The following SLC44A5 variants were observed in gnomAD, a reference collection of about 807,000 sequenced individuals.
The protein encoded by SLC44A5 is choline transporter-like protein 5.
A neutral mutation model predicts 101.8 loss-of-function variants in SLC44A5; 57 were observed. The ratio of observed to expected loss-of-function variants is 0.56; its 90% CI spans 0.45 to 0.70. The LOEUF (loss-of-function observed/expected upper bound fraction) is 0.70, where lower values mean the gene tolerates loss of function less well. Among genes scored for constraint, SLC44A5 ranks in the 30% least tolerant of loss-of-function variants. SLC44A5 has a pLI of 0.00. For synonymous variants in SLC44A5, 281 were observed against 290.9 expected, an observed-to-expected ratio of 0.97 and a Z score of 0.35; for missense variants, 737 against 853.1, an observed-to-expected ratio of 0.86 and a Z score of 1.70.
the SLC44A5 span, among the ~76,000 whole-genome samples, chr1:75,665,235 C>T: frequency 0.22 from 33,005 of 152,038 alleles, 4,534 homozygotes; most frequent in Middle Eastern, 0.36. Context: ...CAAAATAGCA[C>T]GTTACTGGTA....
intron 23 of SLC44A5, 38 bp downstream of exon 23, chr1:75,211,430 T>C: frequency 2.6e-6 from 4 of 1,512,302 alleles, no homozygotes; most frequent in Non-Finnish European, 9.2e-7. Flanking sequence ...CTTTCAGTTA[T>C]CCACCGAAGG....
At chr1:75,227,165 G>C (rs2100539028) in intron 13 of SLC44A5, among the ~76,000 whole-genome samples, 1 of 152,202 alleles carries the variant, frequency 6.6e-6, no homozygotes, top group South Asian at 2.1e-4. Flanking sequence ...AGAAATTCAA[G>C]ACCAGGCTAG....
In SLC44A5 at chr1:75,251,289, T is replaced by C; in HGVS notation, c.266A>G (p.Lys89Arg). The C allele has an allele frequency of 6.2e-7, 1 of 1,611,774 alleles. No individual in the cohort carries two copies. Reference sequence around the variant, plus strand: ...CAGGTTAAAGTAAAACAAAATGGTCTTGTTCCTGTTAAGAAAGAAAACATA... The same window carrying C: ...CAGGTTAAAGTAAAACAAAATGGTCCTGTTCCTGTTAAGAAAGAAAACATA... ...CGQKGTPNEN[K>R]TILFYFNLLR... Residue 89 changes from lysine (K) to arginine (R), a missense_variant, in exon 7 of 24, where the codon AAG becomes AGG. Physicochemically the swap from Lys to Arg is conservative, Grantham distance 26 (BLOSUM62 2). Around this residue, in one of 3 missense-constraint regions of SLC44A5, gnomAD observed 665 missense variants for 764.4 expected, o/e 0.87. Coordinates refer to ENST00000370859, the MANE Select transcript of SLC44A5 (RefSeq NM_001130058.2).
chr1:75,478,086 T>G (rs543088884), intron 2 of SLC44A5, among the ~76,000 whole-genome samples: 1 of 152,106 alleles, frequency 6.6e-6, no homozygotes, highest in Non-Finnish European at 1.5e-5. Flanking sequence ...GAAGAGAGTA[T>G]GGGCCAATAT....
chr1:75,255,181 C>T (rs1010553258), intron 6 of SLC44A5, among the ~76,000 whole-genome samples: 2 of 152,090 alleles, frequency 1.3e-5, no homozygotes, highest in Non-Finnish European at 2.9e-5. Context: ...CCACCCAAAC[C>T]ACCCAGTCCT....
intron 4 of SLC44A5, among the ~76,000 whole-genome samples, chr1:75,317,000 A>G (rs1655741901): frequency 6.6e-6 from 1 of 152,250 alleles, no homozygotes; most frequent in Non-Finnish European, 1.5e-5. Flanking sequence ...ATTGTTTTTG[A>G]TAACATTTGA....
chr1:75,254,061 G>A (rs1273473597), intron 6 of SLC44A5, among the ~76,000 whole-genome samples: 1 of 150,102 alleles, frequency 6.7e-6, no homozygotes, highest in Non-Finnish European at 1.5e-5. Flanking sequence ...TTTTTTAGAC[G>A]GTTTCTCACT....
the SLC44A5 span, among the ~76,000 whole-genome samples, chr1:75,686,029 C>T: frequency 6.6e-6 from 1 of 151,980 alleles, no homozygotes; most frequent in Non-Finnish European, 1.5e-5. Flanking sequence ...GGAAGAAAGC[C>T]CCTTTAAAAC....
At chr1:75,485,355 A>G (rs749221158) in intron 2 of SLC44A5, among the ~76,000 whole-genome samples, 5 of 152,180 alleles carry the variant, frequency 3.3e-5, no homozygotes, top group Non-Finnish European at 7.3e-5. Context: ...TTTGAATTCA[A>G]AGTTCCATGT....
At chr1:75,355,161 A>G (rs1658976866) in intron 3 of SLC44A5, among the ~76,000 whole-genome samples, 1 of 152,204 alleles carries the variant, frequency 6.6e-6, no homozygotes, top group East Asian at 1.9e-4. Context: ...TCCCATACAC[A>G]TTCTTATTAA....
intron 2 of SLC44A5, among the ~76,000 whole-genome samples, chr1:75,519,296 G>A (rs1669993356): frequency 6.6e-6 from 1 of 152,196 alleles, no homozygotes; most frequent in East Asian, 1.9e-4. Flanking sequence ...GGTGGCTCAC[G>A]CCTGTAATCC....
intron 11 of SLC44A5, 68 bp from the exon 12 acceptor site, chr1:75,234,166 C>T (rs1296096671): frequency 9.2e-7 from 1 of 1,088,842 alleles, no homozygotes; most frequent in South Asian, 1.4e-5. Context: ...AACATCAAGA[C>T]AAAACTTTTT....
chr1:75,669,970 A>T, the SLC44A5 span, among the ~76,000 whole-genome samples: 1 of 152,218 alleles, frequency 6.6e-6, no homozygotes, highest in Non-Finnish European at 1.5e-5. Flanking sequence ...GAACCTATTT[A>T]AAAATGTATA....
chr1:75,205,329 A>G (rs948595061), intron 23 of SLC44A5: 1 of 152,230 alleles, frequency 6.6e-6, no homozygotes, highest in Non-Finnish European at 1.5e-5. Context: ...TTCTGTCAAT[A>G]TATAAATAAT....
chr1:75,437,964 G>A lies in SLC44A5; in HGVS notation c.14-41343C>T, dbSNP rs187969267. Among the ~76,000 whole-genome samples the A allele has an allele frequency of 3.3e-5, 5 of 152,142 alleles. No homozygotes were observed. In the East Asian group the frequency reaches 7.7e-4, roughly 24 times the overall value. ...TTGATCTATTGTTAGTACTGTATTT[G>A]TCCTTTTGGATTCCTGAACTGTGTG... On this transcript the variant is annotated intron_variant, in intron 2 of 23. Transcript: ENST00000370859.
chr1:75,624,953 C>T, the SLC44A5 span, among the ~76,000 whole-genome samples: 1 of 152,042 alleles, frequency 6.6e-6, no homozygotes, highest in East Asian at 1.9e-4. Context: ...AGTCACTGTT[C>T]GGCCACCATT....
intron 2 of SLC44A5, among the ~76,000 whole-genome samples, chr1:75,436,524 G>A (rs1344037480): frequency 2.6e-5 from 4 of 152,086 alleles, no homozygotes; most frequent in African/African-American, 9.7e-5. Flanking sequence ...ATGAATGGAG[G>A]GTGCAGGTAT....
intron 2 of SLC44A5, among the ~76,000 whole-genome samples, chr1:75,403,413 C>G (rs1662629819): frequency 6.6e-6 from 1 of 152,178 alleles, no homozygotes. Context: ...AGATACCTCC[C>G]AGCAGGGGTC....
chr1:75,368,302 C>A (rs1343552896), intron 3 of SLC44A5, among the ~76,000 whole-genome samples: 1 of 152,122 alleles, frequency 6.6e-6, no homozygotes, highest in African/African-American at 2.4e-5. Context: ...GTTTCTAGAA[C>A]CTTTCCCTTA....
Sources: allele counts gnomAD v4.1 joint callset (sites outside exome capture counted in the v4.1 genomes callset), GRCh38; gene constraint gnomAD v4.1.1; regional missense constraint gnomAD v4.1.1; transcripts MANE v1.5; gene names NCBI Gene and HGNC (gene_info 2026-07-23, HGNC 2026-07-21).